ARSF: variants seen among roughly 807,000 people sequenced by gnomAD.
The protein encoded by ARSF is arylsulfatase F.
A neutral mutation model predicts 35.4 loss-of-function variants in ARSF; 33 were observed. The ratio of observed to expected loss-of-function variants is 0.93; its 90% CI spans 0.71 to 1.25. ARSF has a LOEUF of 1.25. ARSF is among the 50% of genes most tolerant of loss of function. The pLI, the probability that ARSF is intolerant of heterozygous loss-of-function variation, is 0.00. For missense variants in ARSF, 501 were observed against 480.2 expected (o/e 1.04, Z -0.40); for synonymous variants, 222 against 193.1 (o/e 1.15, Z -1.24).
chrX:3,042,388 C>T (rs924179413), intron 1 of ARSF, among the ~76,000 whole-genome samples: 2 of 111,694 alleles, frequency 1.8e-5, no homozygotes, highest in Non-Finnish European at 3.8e-5. Context: ...AATAGATATT[C>T]ACTAAATGTC....
chrX:3,083,531 C>CTATCT (rs1569140908), intron 5 of ARSF, among the ~76,000 whole-genome samples: 3 of 25,075 alleles, frequency 1.2e-4, no homozygotes, highest in East Asian at 2.3e-3. Flanking sequence ...TCTATCTATC[C>CTATCT]ATCCATCCAT....
intron 1 of ARSF, among the ~76,000 whole-genome samples, chrX:3,048,510 A>G (rs2089984201): frequency 8.9e-6 from 1 of 112,491 alleles, no homozygotes. Flanking sequence ...AAGCTGATCA[A>G]GGACTCAAAA....
intron 7 of ARSF, among the ~76,000 whole-genome samples, chrX:3,091,563 C>T (rs1236778346): frequency 1.8e-5 from 2 of 112,659 alleles, no homozygotes; most frequent in Non-Finnish European, 3.7e-5. Context: ...TAGAAAGACG[C>T]TTTGGAAAAT....
intron 1 of ARSF, among the ~76,000 whole-genome samples, chrX:3,048,723 C>T (rs1323741892): frequency 4.5e-5 from 5 of 112,294 alleles, no homozygotes; most frequent in Admixed American, 1.9e-4. Flanking sequence ...CACAGGTGCA[C>T]GTTCTCAACC....
At chrX:3,065,627 ACT>A (rs2090061908) in intron 1 of ARSF, among the ~76,000 whole-genome samples, 1 of 99,051 alleles carries the variant, frequency 1.0e-5, no homozygotes, top group Admixed American at 1.1e-4. Flanking sequence ...ACAGAGTGAG[ACT>A]CTGTCTCAAA....
Position 3,072,160 on chromosome X carries a change from G to C in ARSF, c.146G>C (p.Gly49Ala). 8.3e-7 allele frequency: 1 copy of C among 1,210,767 alleles called. No individual in the cohort carries two copies. The highest frequency in any genetic ancestry group is 1.8e-5 in the South Asian group (1 of 56,817). The part of the protein sequence containing the change: ...DLGIGDLGCY[G>A]NDTMRTPHID... ...GGTATTGGAGATCTGGGCTGCTACG[G>C]CAATGACACCATGAGGTAAGGCGGT... The change falls in exon 3 of 11, where the codon GGC becomes GCC. Residue 49 changes from glycine (G) to alanine (A), a missense_variant. Transcript: ENST00000381127.
At chrX:3,079,274 T>C (rs2090177127) in intron 4 of ARSF, among the ~76,000 whole-genome samples, 2 of 111,154 alleles carry the variant, frequency 1.8e-5, no homozygotes, top group South Asian at 7.7e-4. Flanking sequence ...TCAATCCTTT[T>C]GGGTTCCTCA....
chrX:3,100,669 C>A (rs961327307), intron 7 of ARSF, among the ~76,000 whole-genome samples: 1 of 111,539 alleles, frequency 9.0e-6, no homozygotes, highest in Admixed American at 9.6e-5. Context: ...ACGATCTGAG[C>A]TCTCTGCAAC....
intron 1 of ARSF, among the ~76,000 whole-genome samples, chrX:3,050,017 G>A (rs1328416894): frequency 2.7e-5 from 3 of 110,017 alleles, no homozygotes; most frequent in Non-Finnish European, 3.8e-5. Flanking sequence ...CTGCCACCAC[G>A]CCCAGCTAAT....
At chrX:3,060,497 C>G (rs755018464) in intron 1 of ARSF, among the ~76,000 whole-genome samples, 1 of 111,502 alleles carries the variant, frequency 9.0e-6, no homozygotes, top group Non-Finnish European at 1.9e-5. Flanking sequence ...TTCAGAAGGT[C>G]GGTAATAACA....
In ARSF at chrX:3,112,536, G is replaced by T; in HGVS notation, c.1753G>T (p.Gly585Cys). Reference sequence around the variant, plus strand: ...GGAAGAGGAAGTCTCTCAGCCTCGGGGTCCTAACGAGAAGAGATAATTACA... The same window carrying T: ...GGAAGAGGAAGTCTCTCAGCCTCGGTGTCCTAACGAGAAGAGATAATTACA... ...DKEEEVSQPR[G>C]PNEKR Residue 585 changes from glycine to cysteine, a missense_variant, in exon 11 of 11, where the codon GGT becomes TGT. Transcript: ENST00000381127. 8.3e-7 allele frequency: 1 copy of T among 1,203,814 alleles called. No homozygotes were observed. Among genetic ancestry groups the T allele is most frequent in the Non-Finnish European group, 1.1e-6 (1 of 893,008 alleles).
intron 6 of ARSF, among the ~76,000 whole-genome samples, chrX:3,084,904 A>T (rs746647702): frequency 4.5e-4 from 51 of 112,176 alleles, no homozygotes; most frequent in African/African-American, 1.6e-3. Context: ...TTTACAAATT[A>T]TATGAATGTA....
intron 7 of ARSF, among the ~76,000 whole-genome samples, chrX:3,097,168 A>G (rs939390457): frequency 3.6e-5 from 4 of 112,262 alleles, no homozygotes; most frequent in African/African-American, 1.3e-4. Context: ...TCAGCAGCCC[A>G]AGGAAATTCA....
intron 1 of ARSF, among the ~76,000 whole-genome samples, chrX:3,045,554 C>CTTTT (rs780857677): frequency 1.1e-5 from 1 of 89,912 alleles, no homozygotes; most frequent in African/African-American, 4.0e-5. Context: ...CTGGGCTAAT[C>CTTTT]TTTTTTTTTT....
chrX:3,050,461 G>T (rs1282325116), intron 1 of ARSF, among the ~76,000 whole-genome samples: 4 of 108,057 alleles, frequency 3.7e-5, no homozygotes, highest in African/African-American at 1.4e-4. Context: ...CAGGAGAATC[G>T]CTTGAACCCA....
At chrX:3,100,351 C>T (rs1001686037) in intron 7 of ARSF, among the ~76,000 whole-genome samples, 3 of 112,207 alleles carry the variant, frequency 2.7e-5, no homozygotes, top group African/African-American at 9.7e-5. Context: ...GTTGCATAAA[C>T]CGTGACTGCC....
At chrX:3,095,967 T>C (rs1392620513) in intron 7 of ARSF, among the ~76,000 whole-genome samples, 1 of 108,458 alleles carries the variant, frequency 9.2e-6, no homozygotes, top group African/African-American at 3.3e-5. Context: ...ATATAACTTA[T>C]AAAACATTTT....
At chrX:3,080,438 C>T (rs1243746918) in intron 4 of ARSF, among the ~76,000 whole-genome samples, 1 of 105,742 alleles carries the variant, frequency 9.5e-6, no homozygotes, top group Non-Finnish European at 1.9e-5. Flanking sequence ...GGCACTGCTG[C>T]ACTCCAGCCT....
At chrX:3,044,589 A>G (rs1418020552) in intron 1 of ARSF, among the ~76,000 whole-genome samples, 3 of 110,295 alleles carry the variant, frequency 2.7e-5, no homozygotes, top group African/African-American at 9.9e-5. Context: ...TGGTGTGTGA[A>G]GAAGGTGATG....
Sources: gnomAD v4.1 joint callset for allele counts (sites outside exome capture counted in the v4.1 genomes callset) on GRCh38, gnomAD v4.1.1 for gene constraint, MANE v1.5 for transcripts, NCBI Gene and HGNC (gene_info 2026-07-23, HGNC 2026-07-21) for gene names.